The following UXS1 variants were observed in gnomAD, a reference collection of about 807,000 sequenced individuals.
UXS1 encodes UDP-glucuronic acid decarboxylase 1.
Under a neutral mutation model 62.6 loss-of-function variants are expected in UXS1, and 33 were observed. The observed-to-expected ratio is 0.53, with a 90% CI of 0.40 to 0.70. UXS1 has a LOEUF of 0.70. Among genes scored for constraint, UXS1 ranks in the 30% least tolerant of loss-of-function variants. The pLI, the probability that UXS1 is intolerant of heterozygous loss-of-function variation, is 0.00. For synonymous variants in UXS1, 213 were observed against 206.8 expected (o/e 1.03, Z -0.26); for missense variants, 434 against 556.3 (o/e 0.78, Z 2.21).
In UXS1 at chr2:106,122,918, G is replaced by A. The variant is rs184270758; in HGVS notation, c.759+52C>T. 2.3e-5 allele frequency: 37 copies of A among 1,603,990 alleles called. No individual in the cohort carries two copies. The East Asian group carries it at 7.9e-4, about 34-fold the overall frequency. ...TTCCTTTACAACACTTTACATCTGA[G>A]GTCAGGGTGCTCAGCACGCCTAAAC... On this transcript the variant is annotated intron_variant, in intron 9 of 14. Transcript: ENST00000283148.
chr2:106,182,269 A>G (rs557557945), intron 1 of UXS1, among the ~76,000 whole-genome samples: 1 of 152,310 alleles, frequency 6.6e-6, no homozygotes, highest in South Asian at 2.1e-4. Flanking sequence ...CAAAACTCAT[A>G]ATGTTTTAAG....
intron 1 of UXS1, among the ~76,000 whole-genome samples, chr2:106,182,886 T>G (rs1450624549): frequency 6.6e-6 from 1 of 152,188 alleles, no homozygotes; most frequent in East Asian, 1.9e-4. Context: ...TCCGTTGGGA[T>G]AGTGGGGTCC....
intron 1 of UXS1, among the ~76,000 whole-genome samples, chr2:106,182,512 A>T (rs954660907): frequency 1.3e-5 from 2 of 152,176 alleles, no homozygotes; most frequent in Non-Finnish European, 2.9e-5. Context: ...AGCTTAAAAA[A>T]TTTTAATAAT....
intron 5 of UXS1, among the ~76,000 whole-genome samples, chr2:106,149,625 C>T (rs1681856108): frequency 6.6e-6 from 1 of 152,014 alleles, no homozygotes; most frequent in Non-Finnish European, 1.5e-5. Flanking sequence ...AACCATGAGC[C>T]AATAAATTTG....
At chr2:106,160,831 G>A (rs568143203) in intron 4 of UXS1, among the ~76,000 whole-genome samples, 65 of 152,150 alleles carry the variant, frequency 4.3e-4, no homozygotes, top group Non-Finnish European at 7.8e-4. Context: ...TTTAAAAAAC[G>A]AAAAATAGGT....
intron 1 of UXS1, among the ~76,000 whole-genome samples, chr2:106,193,521 G>A (rs1331051709): frequency 2.0e-5 from 3 of 152,010 alleles, no homozygotes; most frequent in African/African-American, 7.2e-5. Flanking sequence ...GCCCTGCCCG[G>A]CCACCCAGCT....
chr2:106,163,616 T>C, intron 4 of UXS1, 51 bp downstream of exon 4: 1 of 1,327,422 alleles, frequency 7.5e-7, no homozygotes, highest in Non-Finnish European at 1.0e-6. Flanking sequence ...AATTACTCAA[T>C]TGAGACAAAC....
intron 1 of UXS1, among the ~76,000 whole-genome samples, chr2:106,182,408 G>T (rs1312524572): frequency 6.6e-6 from 1 of 152,118 alleles, no homozygotes; most frequent in Non-Finnish European, 1.5e-5. Context: ...ATGAGGTCTG[G>T]GATTTTTCTC....
At chr2:106,172,439 T>C (rs1380636449) in intron 1 of UXS1, among the ~76,000 whole-genome samples, 1 of 152,204 alleles carries the variant, frequency 6.6e-6, no homozygotes, top group Non-Finnish European at 1.5e-5. Flanking sequence ...AGGTCTCTTT[T>C]TAAAAATTAT....
intron 4 of UXS1, among the ~76,000 whole-genome samples, chr2:106,161,859 T>TTTCC (rs368744844): frequency 2.0e-5 from 3 of 152,324 alleles, no homozygotes; most frequent in African/African-American, 7.2e-5. Context: ...CACTGTCTTC[T>TTTCC]TTCTTTCCCT....
At chr2:106,173,924 G>A (rs1683714757) in intron 1 of UXS1, among the ~76,000 whole-genome samples, 2 of 152,226 alleles carry the variant, frequency 1.3e-5, no homozygotes, top group South Asian at 2.1e-4. Flanking sequence ...GGTGATTCCA[G>A]TCCAAGGAGT....
intron 4 of UXS1, chr2:106,159,348 TCA>T (rs1263941091): frequency 6.6e-6 from 1 of 152,272 alleles, no homozygotes; most frequent in Non-Finnish European, 1.5e-5. Context: ...CCAGGAATTT[TCA>T]CAATCACGGC....
At position 106,112,655 on chromosome 2, in the gene UXS1, C is replaced by T; in HGVS notation, c.870G>A (p.Glu290=). The T allele has an allele frequency of 6.2e-7, 1 of 1,613,888 alleles. No homozygotes were observed. The highest frequency in any genetic ancestry group is 8.5e-7 in the Non-Finnish European group (1 of 1,179,834). The change falls in exon 10 of 15, where the codon GAG becomes GAA. Residue 290 remains glutamate, a synonymous_variant. Coordinates refer to ENST00000283148, the MANE Select transcript of UXS1 (RefSeq NM_001253875.2). ...CGAGGCCAGCACCTACCGTGAGTGG[C>T]TCCCCCTGGAGCGCCTGCAGGATGA... is the stretch of plus-strand genomic sequence containing the variant. ...SNFILQALQG[E]PLTVYGSGSQ... is the part of the protein sequence containing the mutation.
In UXS1 at chr2:106,163,678, ATC is replaced by A; in HGVS notation, c.217_218del (p.Asp73PhefsTer38). On this transcript the variant is annotated frameshift_variant, in exon 4 of 15. Coordinates refer to ENST00000283148, the MANE Select transcript of UXS1 (RefSeq NM_001253875.2). LOFTEE classifies it high-confidence loss of function. ...AAAAGTACACATACCTTTTTTCTAA[ATC>A]TCTGATTTTCTCTCTTAGTGGTTCA... ...MVEPLREKIRDLEKSFTQKYP... is the reference protein window; with the variant it reads ...MVEPLREKIRXLEKSFTQKYP... 1 of 1,471,680 alleles carries A rather than the reference ATC, an allele frequency of 6.8e-7. No homozygotes were observed. The highest frequency in any genetic ancestry group is 9.0e-7 in the Non-Finnish European group (1 of 1,109,496). 91.2% of individuals were successfully genotyped at this position (1,471,680 alleles called of 1,614,324 possible).
intron 4 of UXS1, among the ~76,000 whole-genome samples, chr2:106,158,480 GTAA>G (rs1455792605): frequency 2.0e-5 from 3 of 152,344 alleles, no homozygotes; most frequent in Admixed American, 2.0e-4. Context: ...TTGCAGAATT[GTAA>G]TAATGAGAGA....
At chr2:106,170,082 A>C (rs539647867) in intron 1 of UXS1, among the ~76,000 whole-genome samples, 1 of 152,270 alleles carries the variant, frequency 6.6e-6, no homozygotes, top group African/African-American at 2.4e-5. Context: ...TTCATGCTGC[A>C]AAGGAGGCTT....
intron 1 of UXS1, chr2:106,183,736 G>A (rs1374897097): frequency 6.6e-6 from 1 of 152,130 alleles, no homozygotes; most frequent in African/African-American, 2.4e-5. Context: ...GAAGTTATCA[G>A]CTCTTTAGAG....
chr2:106,188,839 T>C (rs1216284830), intron 1 of UXS1, among the ~76,000 whole-genome samples: 1 of 152,202 alleles, frequency 6.6e-6, no homozygotes, highest in Non-Finnish European at 1.5e-5. Flanking sequence ...AAAGAGATCC[T>C]TCAGTAAAGA....
At chr2:106,163,583 G>C (rs555351694) in intron 4 of UXS1, 84 bp downstream of exon 4, 1 of 899,666 alleles carries the variant, frequency 1.1e-6, no homozygotes, top group East Asian at 3.4e-5. Context: ...GGTTGGCAGA[G>C]TTTGGAGCAA....
Sources: allele counts gnomAD v4.1 joint callset (sites outside exome capture counted in the v4.1 genomes callset), GRCh38; gene constraint gnomAD v4.1.1; transcripts MANE v1.5; gene names NCBI Gene and HGNC (gene_info 2026-07-23, HGNC 2026-07-21).